Variants in NDUFA10 observed in about 807,000 individuals in gnomAD.
NDUFA10 encodes NADH dehydrogenase [ubiquinone] 1 alpha subcomplex subunit 10, mitochondrial.
Under a neutral mutation model 47.8 loss-of-function variants are expected in NDUFA10, and 40 were observed. The observed-to-expected ratio is 0.84, with a 90% CI of 0.65 to 1.09. The LOEUF (loss-of-function observed/expected upper bound fraction) is 1.09, where lower values mean the gene tolerates loss of function less well. NDUFA10 is among the 50% of genes least tolerant of loss of function. The probability of loss-of-function intolerance (pLI) is 0.00; values close to 1 mark genes in which losing one functional copy is unlikely to be tolerated. For missense variants in NDUFA10, 413 were observed against 451.1 expected (o/e 0.92, Z 0.76); for synonymous variants, 183 against 172.2 (o/e 1.06, Z -0.49).
At chr2:240,003,403 C>T (rs1696807968) in intron 8 of NDUFA10, among the ~76,000 whole-genome samples, 1 of 152,200 alleles carries the variant, frequency 6.6e-6, no homozygotes, top group Admixed American at 6.5e-5. Context: ...AGTGCCCCGG[C>T]CATCCTTGTG....
intron 4 of NDUFA10, among the ~76,000 whole-genome samples, chr2:239,904,241 G>T (rs538382576): frequency 6.6e-6 from 1 of 151,900 alleles, no homozygotes; most frequent in African/African-American, 2.4e-5. Flanking sequence ...CAACCCTAAA[G>T]GTGCCTCTTC....
At chr2:239,900,063 T>C (rs563008933) in intron 4 of NDUFA10, among the ~76,000 whole-genome samples, 5 of 152,132 alleles carry the variant, frequency 3.3e-5, no homozygotes, top group Non-Finnish European at 7.4e-5. Context: ...CCAGCCTTCA[T>C]CTTTCTCCCG....
chr2:240,002,427 C>A (rs1696765467), intron 8 of NDUFA10, among the ~76,000 whole-genome samples: 1 of 150,984 alleles, frequency 6.6e-6, no homozygotes, highest in African/African-American at 2.4e-5. Context: ...TTTCAAAAGA[C>A]TTTCTAGAGA....
chr2:239,999,459 GTTCCC>G (rs1297769180), intron 8 of NDUFA10, among the ~76,000 whole-genome samples: 5 of 152,126 alleles, frequency 3.3e-5, no homozygotes, highest in Non-Finnish European at 7.3e-5. Context: ...TGTTCTGCTG[GTTCCC>G]TGCATGCGGG....
chr2:239,912,049 C>T (rs959784099), intron 4 of NDUFA10, among the ~76,000 whole-genome samples: 4 of 152,280 alleles, frequency 2.6e-5, no homozygotes, highest in South Asian at 2.1e-4. Context: ...TTTGCTCACT[C>T]GCTGGAGGTA....
intron 4 of NDUFA10, among the ~76,000 whole-genome samples, chr2:239,917,711 C>T (rs191674839): frequency 8.5e-5 from 13 of 152,374 alleles, no homozygotes; most frequent in African/African-American, 2.9e-4. Context: ...AGCTAGCCCA[C>T]CCCCTTTTTG....
intron 4 of NDUFA10, among the ~76,000 whole-genome samples, chr2:239,951,654 A>G (rs1694554070): frequency 6.6e-6 from 1 of 152,246 alleles, no homozygotes; most frequent in African/African-American, 2.4e-5. Context: ...AGGCATCTTT[A>G]AAAAACAGGG....
chr2:240,014,596 C>A, intron 5 of NDUFA10, 143 bp downstream of exon 5: 1 of 1,345,334 alleles, frequency 7.4e-7, no homozygotes, highest in Non-Finnish European at 1.1e-6. Flanking sequence ...TGCAGATGCC[C>A]TCTCTCAAGT....
chr2:239,952,530 A>G (rs554598205), downstream of NDUFA10, among the ~76,000 whole-genome samples: 2 of 152,326 alleles, frequency 1.3e-5, no homozygotes, highest in South Asian at 4.1e-4. Flanking sequence ...CTGAGCACCA[A>G]CAGCTTCCAG....
intron 4 of NDUFA10, among the ~76,000 whole-genome samples, chr2:239,907,064 T>C (rs1693667758): frequency 6.6e-6 from 1 of 152,122 alleles, no homozygotes; most frequent in Non-Finnish European, 1.5e-5. Flanking sequence ...AACAGAGATA[T>C]AGACCAATGG....
chr2:239,968,329 G>A (rs967794736), intron 9 of NDUFA10, among the ~76,000 whole-genome samples: 2 of 152,218 alleles, frequency 1.3e-5, no homozygotes, highest in African/African-American at 2.4e-5. Context: ...GCTGAGCAGC[G>A]AGCACAGACT....
At chr2:239,997,196 A>C (rs1376163618) in intron 8 of NDUFA10, among the ~76,000 whole-genome samples, 1 of 152,154 alleles carries the variant, frequency 6.6e-6, no homozygotes, top group East Asian at 1.9e-4. Context: ...AAGCTTAGGA[A>C]TCTATAGAAA....
chr2:239,949,170 G>C (rs773330492), intron 4 of NDUFA10, among the ~76,000 whole-genome samples: 1 of 152,246 alleles, frequency 6.6e-6, no homozygotes, highest in Non-Finnish European at 1.5e-5. Flanking sequence ...ACTGCTGATT[G>C]AGCGACTTCT....
chr2:239,909,065 C>A (rs1473394204), intron 4 of NDUFA10, among the ~76,000 whole-genome samples: 7 of 152,158 alleles, frequency 4.6e-5, no homozygotes, highest in Non-Finnish European at 1.0e-4. Context: ...CCTCGTGTCA[C>A]CCCACTGCCT....
chr2:239,962,798 G>A (rs1694908768), intron 9 of NDUFA10, among the ~76,000 whole-genome samples: 1 of 152,176 alleles, frequency 6.6e-6, no homozygotes, highest in Admixed American at 6.6e-5. Context: ...GCCACATAGT[G>A]GGAGTAGGAG....
At chr2:239,988,404 G>C (rs756029606) in intron 9 of NDUFA10, among the ~76,000 whole-genome samples, 1 of 152,084 alleles carries the variant, frequency 6.6e-6, no homozygotes, top group Non-Finnish European at 1.5e-5. Context: ...CTCACAAAAC[G>C]GAAAGGGGGC....
chr2:240,011,423 CAAAT>C (rs1168759342), intron 6 of NDUFA10, among the ~76,000 whole-genome samples, 190 bp downstream of exon 6: 2 of 152,146 alleles, frequency 1.3e-5, no homozygotes, highest in East Asian at 1.9e-4. Context: ...CAAACCAAAA[CAAAT>C]AAACCAATAA....
Position 240,014,083 on chromosome 2 carries a change from C to CAA in NDUFA10, c.669+654_669+655dup, listed in dbSNP as rs35758918. 514 of 140,418 alleles carry CAA rather than the reference C, an allele frequency of 3.7e-3. 3 individuals carry two copies. Among genetic ancestry groups the CAA allele is most frequent in the Non-Finnish European group, 2.5e-3 (165 of 65,352 alleles). The allele number at this position is 140,418 out of a possible 1,614,324, so 8.7% of individuals were successfully genotyped here. A position where few individuals can be genotyped will look rare whatever the true frequency, so the allele number is the denominator to read the frequency against. ...TGGGTGACAGAGCGAGACTCTGTCT[C>CAA]AAAAAAAAAAAACAAAGAACTCGCC... is the stretch of plus-strand genomic sequence containing the variant. On this transcript the variant is annotated intron_variant, in intron 5 of 9. Transcript: ENST00000252711.
chr2:239,976,808 C>T (rs367765282), intron 9 of NDUFA10, among the ~76,000 whole-genome samples: 2 of 152,186 alleles, frequency 1.3e-5, no homozygotes, highest in Non-Finnish European at 2.9e-5. Context: ...AGGCTGAGAG[C>T]GCTCAGAGTG....
Sources: gnomAD v4.1 joint callset for allele counts (sites outside exome capture counted in the v4.1 genomes callset) on GRCh38, gnomAD v4.1.1 for gene constraint, MANE v1.5 for transcripts, NCBI Gene and HGNC (gene_info 2026-07-23, HGNC 2026-07-21) for gene names.